The following CNTN1 variants were observed in gnomAD, a reference collection of about 807,000 sequenced individuals.
The protein encoded by CNTN1 is contactin-1.
A neutral mutation model predicts 126.4 loss-of-function variants in CNTN1; 38 were observed. The ratio of observed to expected loss-of-function variants is 0.30; its 90% CI spans 0.23 to 0.39. CNTN1 has a LOEUF of 0.39. CNTN1 is among the 10% of genes least tolerant of loss of function. CNTN1 has a pLI of 1.00. For missense variants in CNTN1, 1,009 were observed against 1,248.4 expected, an observed-to-expected ratio of 0.81 and a Z score of 2.89; for synonymous variants, 413 against 422.6, an observed-to-expected ratio of 0.98 and a Z score of 0.28.
intron 1 of CNTN1, among the ~76,000 whole-genome samples, chr12:40,774,345 A>G (rs1207397745): frequency 6.6e-6 from 1 of 151,682 alleles, no homozygotes; most frequent in African/African-American, 2.4e-5. Context: ...TAAGGAAGGC[A>G]GTCACGATTG....
At chr12:41,047,660 A>G (rs1335511422) in intron 23 of CNTN1, among the ~76,000 whole-genome samples, 1 of 152,046 alleles carries the variant, frequency 6.6e-6, no homozygotes, top group Non-Finnish European at 1.5e-5. Context: ...TACTTTTCAG[A>G]TAATTTTCAT....
At chr12:40,991,189 A>G (rs1948087647) in intron 16 of CNTN1, among the ~76,000 whole-genome samples, 1 of 152,128 alleles carries the variant, frequency 6.6e-6, no homozygotes, top group Non-Finnish European at 1.5e-5. Flanking sequence ...ATGGCTCCAC[A>G]TATCCCTTGG....
At chr12:40,739,368 T>A (rs765624044) in intron 1 of CNTN1, among the ~76,000 whole-genome samples, 41 of 152,064 alleles carry the variant, frequency 2.7e-4, no homozygotes, top group Non-Finnish European at 4.7e-4. Flanking sequence ...TGCAAAACAA[T>A]CCTCTAAAAT....
intron 1 of CNTN1, among the ~76,000 whole-genome samples, chr12:40,893,301 T>C (rs1269959341): frequency 6.6e-6 from 1 of 152,038 alleles, no homozygotes; most frequent in African/African-American, 2.4e-5. Flanking sequence ...AAACTCAAAA[T>C]TGATGCTTTA....
chr12:40,802,323 T>A (rs1046931380), intron 1 of CNTN1, among the ~76,000 whole-genome samples: 1 of 151,992 alleles, frequency 6.6e-6, no homozygotes, highest in Admixed American at 6.6e-5. Context: ...GAATTTGAGA[T>A]GTTTGTATGA....
intron 17 of CNTN1, among the ~76,000 whole-genome samples, chr12:41,012,208 G>C (rs966017675): frequency 6.7e-6 from 1 of 150,276 alleles, no homozygotes; most frequent in African/African-American, 2.4e-5. Context: ...CAGAGAGAGA[G>C]AGACCTGGAA....
chr12:40,962,508 T>C (rs187405216), intron 15 of CNTN1, among the ~76,000 whole-genome samples: 165 of 152,254 alleles, frequency 1.1e-3, no homozygotes, highest in Non-Finnish European at 1.3e-3. Flanking sequence ...TCTGATTTCA[T>C]GGGGCCTTTT....
intron 1 of CNTN1, among the ~76,000 whole-genome samples, chr12:40,854,213 G>A (rs956655342): frequency 1.3e-5 from 2 of 151,870 alleles, no homozygotes; most frequent in African/African-American, 4.8e-5. Flanking sequence ...ATATGCAAAT[G>A]ACAAGTCAGC....
chr12:40,820,769 G>C (rs1198920560), intron 1 of CNTN1, among the ~76,000 whole-genome samples: 2 of 152,146 alleles, frequency 1.3e-5, no homozygotes, highest in Admixed American at 1.3e-4. Context: ...CTGATGCATG[G>C]CTAATACTGA....
intron 22 of CNTN1, among the ~76,000 whole-genome samples, chr12:41,028,727 A>G (rs1166879581): frequency 6.6e-6 from 1 of 152,174 alleles, no homozygotes; most frequent in Non-Finnish European, 1.5e-5. Flanking sequence ...CAATTTTCAG[A>G]CCATTTCAAT....
At chr12:40,709,970 T>G (rs549009111) in intron 1 of CNTN1, among the ~76,000 whole-genome samples, 5 of 152,288 alleles carry the variant, frequency 3.3e-5, no homozygotes, top group Admixed American at 1.3e-4. Context: ...AATTTTTCCT[T>G]TATATTCACA....
At chr12:40,813,643 T>G (rs1389923005) in intron 1 of CNTN1, among the ~76,000 whole-genome samples, 1 of 152,246 alleles carries the variant, frequency 6.6e-6, no homozygotes, top group Non-Finnish European at 1.5e-5. Context: ...TAAATAGTGC[T>G]GCAATAAACA....
intron 1 of CNTN1, among the ~76,000 whole-genome samples, chr12:40,711,191 G>A (rs1941904337): frequency 6.6e-6 from 1 of 152,078 alleles, no homozygotes; most frequent in Non-Finnish European, 1.5e-5. Flanking sequence ...GTGCTCAGAA[G>A]TTTCTACTCC....
chr12:40,943,979 AT>A lies in CNTN1; in HGVS notation c.1508-13del, dbSNP rs1566003599. The A allele has an allele frequency of 1.1e-5, 18 of 1,611,010 alleles. No homozygotes were observed. The highest frequency in any genetic ancestry group is 1.4e-5 in the Non-Finnish European group (16 of 1,177,682). On this transcript the variant is annotated splice_polypyrimidine_tract_variant and intron_variant, in intron 13 of 23. Coordinates refer to ENST00000551295, the MANE Select transcript of CNTN1 (RefSeq NM_001843.4). Reference sequence around the variant, plus strand: ...TATATCTTCTTGAATTGTGCTTTACATTTAAAAATATATAGATCCTACGCGA... The same window carrying A: ...TATATCTTCTTGAATTGTGCTTTACATTAAAAATATATAGATCCTACGCGA...
chr12:40,956,607 T>C (rs1053396635), intron 14 of CNTN1, among the ~76,000 whole-genome samples: 3 of 152,020 alleles, frequency 2.0e-5, no homozygotes, highest in Admixed American at 6.6e-5. Context: ...GAGAACAAGA[T>C]ACATTTGTGG....
intron 5 of CNTN1, among the ~76,000 whole-genome samples, 175 bp downstream of exon 5, chr12:40,922,603 T>C (rs1411562336): frequency 6.6e-6 from 1 of 152,228 alleles, no homozygotes; most frequent in East Asian, 1.9e-4. Flanking sequence ...ATACTATGAA[T>C]GCACTTGAAA....
chr12:40,926,958 C>T (rs1158291524), intron 6 of CNTN1, among the ~76,000 whole-genome samples: 1 of 152,008 alleles, frequency 6.6e-6, no homozygotes, highest in Non-Finnish European at 1.5e-5. Context: ...TAGATGTGGA[C>T]ATGTTAAATG....
At chr12:40,937,209 C>T (rs1428558991) in intron 10 of CNTN1, among the ~76,000 whole-genome samples, 1 of 151,980 alleles carries the variant, frequency 6.6e-6, no homozygotes, top group South Asian at 2.1e-4. Context: ...TTTCTTGCCA[C>T]TATTTTCCTG....
intron 1 of CNTN1, among the ~76,000 whole-genome samples, chr12:40,711,766 C>T (rs60436538): frequency 0.044 from 6,717 of 151,998 alleles, 303 homozygotes; most frequent in African/African-American, 0.12. Flanking sequence ...TGCTGGAGTG[C>T]AGTGGTATAA....
Sources: gnomAD v4.1 joint callset for allele counts (sites outside exome capture counted in the v4.1 genomes callset) on GRCh38, gnomAD v4.1.1 for gene constraint, MANE v1.5 for transcripts, NCBI Gene and HGNC (gene_info 2026-07-23, HGNC 2026-07-21) for gene names.